Variants in C6orf89 observed in about 807,000 individuals in gnomAD.
C6orf89 encodes bombesin receptor-activated protein C6orf89.
Under a neutral mutation model 40.7 loss-of-function variants are expected in C6orf89, and 29 were observed. The observed-to-expected ratio is 0.71, with a 90% CI of 0.53 to 0.97. The LOEUF is 0.97. Among genes scored for constraint, C6orf89 ranks in the 50% least tolerant of loss-of-function variants. The probability of loss-of-function intolerance (pLI) is 0.00; values close to 1 mark genes in which losing one functional copy is unlikely to be tolerated. For synonymous variants in C6orf89, 165 were observed against 152.2 expected (o/e 1.08, Z -0.62); for missense variants, 392 against 429.1 (o/e 0.91, Z 0.76).
At chr6:36,897,140 A>G (rs1761463093) in intron 2 of C6orf89, among the ~76,000 whole-genome samples, 1 of 151,648 alleles carries the variant, frequency 6.6e-6, no homozygotes, top group Non-Finnish European at 1.5e-5. Context: ...AAAAAAAAAA[A>G]AAAAAAAAAA....
rs1775074057 is a variant in C6orf89, at chr6:36,888,454, A to C, written c.-120+2426A>C. Among the ~76,000 whole-genome samples, 3 of 152,188 alleles carry C rather than the reference A, an allele frequency of 2.0e-5. No individual in the cohort carries two copies. In the South Asian group the frequency reaches 6.2e-4, roughly 32 times the overall value. Reference sequence around the variant, plus strand: ...CAAGACCAGCCTGGCCAACATGGTGAAACCCATTTTTTACCAGAAAAATAC... The same window carrying C: ...CAAGACCAGCCTGGCCAACATGGTGCAACCCATTTTTTACCAGAAAAATAC... On this transcript the variant is annotated intron_variant, in intron 1 of 8. Transcript: ENST00000480824.
chr6:36,890,816 A>G (rs1761176434), intron 1 of C6orf89, among the ~76,000 whole-genome samples: 1 of 152,140 alleles, frequency 6.6e-6, no homozygotes, highest in Non-Finnish European at 1.5e-5. Context: ...TGGGATTACA[A>G]GTGTGAGCCA....
chr6:36,881,487 A>T (rs1454964782), upstream of C6orf89, among the ~76,000 whole-genome samples: 1 of 152,216 alleles, frequency 6.6e-6, no homozygotes, highest in Non-Finnish European at 1.5e-5. Flanking sequence ...AGCCTGGCTA[A>T]CATGGTGAAA....
chr6:36,887,119 G>GT (rs543966667), intron 1 of C6orf89, among the ~76,000 whole-genome samples: 11,190 of 142,116 alleles, frequency 0.079, 537 homozygotes, highest in South Asian at 0.13. Context: ...GCGTTTTTTT[G>GT]TTTTTTTTTT....
chr6:36,879,807 C>T (rs186085668), intron 2 of C6orf89, among the ~76,000 whole-genome samples: 4 of 152,216 alleles, frequency 2.6e-5, no homozygotes, highest in East Asian at 1.9e-4. Flanking sequence ...CTCGTAACCA[C>T]GTGGCAGTAC....
chr6:36,914,210 C>G, intron 4 of C6orf89, 74 bp from the exon 5 acceptor site: 1 of 1,289,506 alleles, frequency 7.8e-7, no homozygotes, highest in Non-Finnish European at 1.1e-6. Context: ...TTTCTTGTTT[C>G]ATTGTTGGAG....
intron 4 of C6orf89, 28 bp from the exon 5 acceptor site, chr6:36,914,256 G>A (rs1338812681): frequency 1.9e-6 from 3 of 1,596,244 alleles, no homozygotes; most frequent in South Asian, 1.1e-5. Context: ...TTCAGTATCT[G>A]TTTTCTCCAT....
chr6:36,901,322 T>C (rs1355689206), intron 3 of C6orf89, among the ~76,000 whole-genome samples: 13 of 22,474 alleles, frequency 5.8e-4, no homozygotes, highest in African/African-American at 3.6e-3. Flanking sequence ...ATTATTATTA[T>C]TTTTTTTTTT....
chr6:36,899,615 C>T lies in C6orf89; in HGVS notation c.171C>T (p.Leu57=). The change falls in exon 3 of 9, where the codon CTC becomes CTT. Residue 57 remains leucine (L), a synonymous_variant. Transcript: ENST00000480824. ...EPQRPPPQYP[L]LIVVYKVLAT... Reference sequence around the variant, plus strand: ...AGAGACCCCCCCCGCAGTATCCTCTCCTTATAGTTGTGTATAAGGTAAAAT... The same window carrying T: ...AGAGACCCCCCCCGCAGTATCCTCTTCTTATAGTTGTGTATAAGGTAAAAT... The T allele has an allele frequency of 6.2e-7, 1 of 1,614,142 alleles. No individual in the cohort carries two copies. The highest frequency in any genetic ancestry group is 2.2e-5 in the East Asian group (1 of 44,882).
intron 6 of C6orf89, among the ~76,000 whole-genome samples, chr6:36,915,761 GA>G (rs1762293751): frequency 1.3e-5 from 2 of 151,840 alleles, no homozygotes; most frequent in African/African-American, 4.8e-5. Flanking sequence ...GGGAAACAGA[GA>G]GATTAAGTAA....
At chr6:36,920,336 G>A (rs1583203922) in intron 8 of C6orf89, among the ~76,000 whole-genome samples, 1 of 152,154 alleles carries the variant, frequency 6.6e-6, no homozygotes, top group East Asian at 1.9e-4. Flanking sequence ...AAAGAAACAG[G>A]TTTGAATCCA....
chr6:36,915,741 A>T (rs185222764), intron 6 of C6orf89, among the ~76,000 whole-genome samples: 2 of 151,730 alleles, frequency 1.3e-5, no homozygotes, highest in African/African-American at 4.8e-5. Context: ...GGAAAGAAAG[A>T]AAGAAAAATG....
Position 36,923,654 on chromosome 6 carries a change from C to A in C6orf89, c.*213C>A. 1 of 585,760 alleles carries A rather than the reference C, an allele frequency of 1.7e-6. No homozygotes were observed. The highest frequency in any genetic ancestry group is 2.3e-5 in the Admixed American group (1 of 43,786). The allele number at this position is 585,760 out of a possible 1,614,324, so 36.3% of individuals were successfully genotyped here. ...TGCAGGTGGCTCAGGAAGGATTCAG[C>A]CTGGCCACTTGGCTAGGACTCTGCC... is the stretch of plus-strand genomic sequence containing the variant. On this transcript the variant is annotated 3_prime_UTR_variant, in exon 9 of 9. Coordinates refer to ENST00000480824, the MANE Select transcript of C6orf89 (RefSeq NM_001286635.2).
At chr6:36,920,419 T>C (rs1246652335) in intron 8 of C6orf89, among the ~76,000 whole-genome samples, 3 of 152,242 alleles carry the variant, frequency 2.0e-5, no homozygotes, top group Non-Finnish European at 4.4e-5. Context: ...AGTGTCACCA[T>C]TGACCTCCTT....
At chr6:36,886,092 G>A (rs1291470314) in intron 1 of C6orf89, 64 bp downstream of exon 1, 3 of 892,348 alleles carry the variant, frequency 3.4e-6, no homozygotes, top group Non-Finnish European at 4.4e-6. Context: ...CGCCGCGCCC[G>A]TCTCTGACAT....
At chr6:36,919,791 A>G in intron 8 of C6orf89, 90 bp downstream of exon 8, 1 of 1,364,226 alleles carries the variant, frequency 7.3e-7, no homozygotes, top group Non-Finnish European at 9.8e-7. Context: ...GCCTTCACAA[A>G]AGTTTTATTT....
In C6orf89 at chr6:36,875,719, T is replaced by G. The variant is rs542025832; in HGVS notation, c.-627-3289T>G. 3.3e-5 allele frequency among the ~76,000 whole-genome samples: 5 copies of G among 152,386 alleles called. No individual in the cohort carries two copies. In the South Asian group the frequency reaches 1.0e-3, roughly 32 times the overall value. Reference sequence around the variant, plus strand: ...ATCAAGCTAAGCATTTTATTGCGTATTTTCACGCTTAATCTTCAAAATCCC... The same window carrying G: ...ATCAAGCTAAGCATTTTATTGCGTAGTTTCACGCTTAATCTTCAAAATCCC... On this transcript the variant is annotated intron_variant, in intron 1 of 9. Coordinates refer to the C6orf89 transcript ENST00000359359.
Position 36,885,973 on chromosome 6 carries a change from G to C in C6orf89, c.-175G>C. The C allele has an allele frequency of 3.2e-6, 4 of 1,264,396 alleles. No individual in the cohort carries two copies. Among genetic ancestry groups the C allele is most frequent in the Non-Finnish European group, 4.0e-6 (4 of 1,003,372 alleles). The allele number at this position is 1,264,396 out of a possible 1,614,324, so 78.3% of individuals were successfully genotyped here. A position where few individuals can be genotyped will look rare whatever the true frequency, so the allele number is the denominator to read the frequency against. On this transcript the variant is annotated 5_prime_UTR_variant, in exon 1 of 9. Transcript: ENST00000480824. The stretch of plus-strand genomic sequence containing the variant: ...AAACAGGAAGTTGCCCATCCTCCTC[G>C]CCCGGCGGCAGCTGTCCCCGAGGCG...
At chr6:36,884,306 T>C (rs1042794625), upstream of C6orf89, among the ~76,000 whole-genome samples, 5 of 152,138 alleles carry the variant, frequency 3.3e-5, no homozygotes, top group Non-Finnish European at 7.4e-5. This position sits in a 1 kb window ranked among gnomAD's most constrained non-coding sequence, Gnocchi z 4.0. Context: ...AGGGGATTAG[T>C]GAAAAGACCA....
Sources: gnomAD v4.1 joint callset for allele counts (sites outside exome capture counted in the v4.1 genomes callset) on GRCh38, gnomAD v4.1.1 for gene constraint, Gnocchi (gnomAD v3.1) non-coding constraint, MANE v1.5 for transcripts, NCBI Gene and HGNC (gene_info 2026-07-23, HGNC 2026-07-21) for gene names.